The following NXPE1 variants were observed in gnomAD, a reference collection of about 807,000 sequenced individuals.
NXPE1 encodes the protein neurexophilin and PC-esterase domain family member 1.
NXPE1 carries 31 observed loss-of-function variants against 33.3 expected under a neutral mutation model. The observed-to-expected ratio is 0.93, with a 90% CI of 0.70 to 1.26. The LOEUF (loss-of-function observed/expected upper bound fraction) is 1.26, where lower values mean the gene tolerates loss of function less well. Ranked by LOEUF, NXPE1 falls within the 50% of genes most tolerant of loss-of-function variation. The pLI is 0.00. For synonymous variants in NXPE1, 229 were observed against 231.4 expected, an observed-to-expected ratio of 0.99 and a Z score of 0.09; for missense variants, 661 against 655.6, an observed-to-expected ratio of 1.01 and a Z score of -0.09.
intron 5 of NXPE1, among the ~76,000 whole-genome samples, chr11:114,547,730 G>C (rs1565312921): frequency 6.6e-6 from 1 of 152,140 alleles, no homozygotes; most frequent in Non-Finnish European, 1.5e-5. Flanking sequence ...GCAAGACTCT[G>C]TCTCAAAAAG....
chr11:114,531,710 T>C (rs1483016732), intron 5 of NXPE1, among the ~76,000 whole-genome samples: 1 of 152,218 alleles, frequency 6.6e-6, no homozygotes, highest in Non-Finnish European at 1.5e-5. Flanking sequence ...GTCTTTCAGC[T>C]CTTGCTCTTT....
chr11:114,524,148 G>T lies in NXPE1; in HGVS notation c.896-1057C>A, dbSNP rs141249841. On this transcript the variant is annotated intron_variant, in intron 7 of 8. Transcript: ENST00000534921. ...TCGGCTAGTAGTAAGGGAAGAAATG[G>T]ATAGGGAGGGCCAGTTGTTTTGCTT... Among the ~76,000 whole-genome samples, 230 of 152,304 alleles carry T rather than the reference G, an allele frequency of 1.5e-3. 2 individuals carry two copies. The highest frequency in any genetic ancestry group is 4.4e-3 in the African/African-American group (182 of 41,560).
At chr11:114,541,856 C>G (rs1230505855) in intron 5 of NXPE1, among the ~76,000 whole-genome samples, 1 of 152,168 alleles carries the variant, frequency 6.6e-6, no homozygotes, top group South Asian at 2.1e-4. Flanking sequence ...AAATATATCT[C>G]TTAATTCACT....
intron 5 of NXPE1, among the ~76,000 whole-genome samples, chr11:114,540,463 A>T (rs1276673240): frequency 6.6e-6 from 1 of 152,234 alleles, no homozygotes; most frequent in African/African-American, 2.4e-5. Flanking sequence ...CCTAGTCCAC[A>T]TATATACATA....
At chr11:114,535,069 TA>T (rs1947751716) in intron 5 of NXPE1, among the ~76,000 whole-genome samples, 2 of 152,174 alleles carry the variant, frequency 1.3e-5, no homozygotes, top group East Asian at 3.8e-4. Context: ...CCCATCAGAC[TA>T]ACAGCTGATC....
chr11:114,534,215 G>C (rs1282544436), intron 5 of NXPE1, among the ~76,000 whole-genome samples: 1 of 152,218 alleles, frequency 6.6e-6, no homozygotes, highest in Admixed American at 6.5e-5. Flanking sequence ...CAGACCTGCA[G>C]CTGAGGGTTC....
At chr11:114,545,997 C>G (rs1948268139) in intron 5 of NXPE1, among the ~76,000 whole-genome samples, 1 of 151,934 alleles carries the variant, frequency 6.6e-6, no homozygotes, top group Admixed American at 6.6e-5. Flanking sequence ...CTGAGTGAAT[C>G]TTAATGTATG....
At chr11:114,527,635 T>G (rs74765461) in intron 7 of NXPE1, among the ~76,000 whole-genome samples, 2,085 of 152,306 alleles carry the variant, frequency 0.014, 51 homozygotes, top group African/African-American at 0.048. Flanking sequence ...ACTAATACTT[T>G]CTCCTTTTGG....
rs1172260755 is a variant in NXPE1, at chr11:114,530,909, C to G, written c.100-1G>C. 9 of 1,600,952 alleles carry G rather than the reference C, an allele frequency of 5.6e-6. No homozygotes were observed. Among genetic ancestry groups the G allele is most frequent in the Non-Finnish European group, 7.7e-6 (9 of 1,175,236 alleles). On this transcript the variant is annotated splice_acceptor_variant, in intron 5 of 8. Transcript: ENST00000534921. LOFTEE classifies it high-confidence loss of function. ...TGGATAAGTTTAGAGCAGACCAAAG[C>G]TGAAATGACAAGGATTGTGATATAC...
At chr11:114,536,568 A>G (rs1038573237) in intron 5 of NXPE1, among the ~76,000 whole-genome samples, 1 of 152,190 alleles carries the variant, frequency 6.6e-6, no homozygotes, top group Non-Finnish European at 1.5e-5. Flanking sequence ...GAGAAGAATC[A>G]AATAGACGCC....
intron 7 of NXPE1, among the ~76,000 whole-genome samples, chr11:114,524,731 T>G (rs1947317116): frequency 6.6e-6 from 1 of 152,234 alleles, no homozygotes; most frequent in Admixed American, 6.5e-5. Flanking sequence ...TTGTAAACCC[T>G]ATGTTGTGTA....
At chr11:114,547,123 C>T (rs1350168837) in intron 5 of NXPE1, among the ~76,000 whole-genome samples, 2 of 152,060 alleles carry the variant, frequency 1.3e-5, no homozygotes, top group African/African-American at 4.8e-5. Flanking sequence ...TGAAAGAGTA[C>T]AGTAAAGAGC....
intron 5 of NXPE1, among the ~76,000 whole-genome samples, chr11:114,542,026 A>G (rs1036509791): frequency 5.3e-5 from 8 of 152,186 alleles, no homozygotes; most frequent in Non-Finnish European, 7.3e-5. Context: ...GGCTGTGGCT[A>G]TATCAATTTT....
exon 8 of NXPE1, chr11:114,522,961 G>A (rs749423731): frequency 1.2e-6 from 2 of 1,613,398 alleles, no homozygotes; most frequent in Admixed American, 1.7e-5. Context: ...CTTTCAAACA[G>A]CCATTTATCT....
At chr11:114,544,914 G>A (rs1319993857) in intron 5 of NXPE1, among the ~76,000 whole-genome samples, 2 of 151,952 alleles carry the variant, frequency 1.3e-5, no homozygotes, top group Non-Finnish European at 2.9e-5. Flanking sequence ...GATCTGAATG[G>A]ACACCTCACC....
intron 1 of NXPE1, among the ~76,000 whole-genome samples, chr11:114,557,586 G>A (rs12292373): frequency 0.017 from 2,516 of 145,302 alleles, 52 homozygotes; most frequent in African/African-American, 0.056. Flanking sequence ...CCACTGACTG[G>A]TTTAATTCTA....
chr11:114,521,817 GT>G (rs1947217552), exon 9 of NXPE1: 1 of 603,022 alleles, frequency 1.7e-6, no homozygotes, highest in Non-Finnish European at 2.9e-6. Flanking sequence ...TCCCTTATCA[GT>G]TGTCATTGTC....
intron 5 of NXPE1, among the ~76,000 whole-genome samples, chr11:114,538,689 A>G (rs1297516506): frequency 5.3e-5 from 8 of 152,246 alleles, no homozygotes; most frequent in African/African-American, 1.9e-4. Context: ...AAAAATGCTC[A>G]TCATCACTGG....
intron 1 of NXPE1, among the ~76,000 whole-genome samples, chr11:114,558,200 G>C (rs978225920): frequency 6.6e-6 from 1 of 151,936 alleles, no homozygotes; most frequent in Non-Finnish European, 1.5e-5. Context: ...ATGTATATGT[G>C]TTTATGTGTG....
Sources: allele counts gnomAD v4.1 joint callset (sites outside exome capture counted in the v4.1 genomes callset), GRCh38; gene constraint gnomAD v4.1.1; transcripts MANE v1.5; gene names NCBI Gene and HGNC (gene_info 2026-07-23, HGNC 2026-07-21).